ALOX5AP: variants seen among roughly 807,000 people sequenced by gnomAD.
ALOX5AP encodes the protein arachidonate 5-lipoxygenase-activating protein.
Under a neutral mutation model 18.5 loss-of-function variants are expected in ALOX5AP, and 9 were observed. The observed-to-expected ratio is 0.49, with a 90% CI of 0.29 to 0.85. The LOEUF (loss-of-function observed/expected upper bound fraction) is 0.85. ALOX5AP is among the 40% of genes least tolerant of loss of function. ALOX5AP has a pLI of 0.08. For synonymous variants in ALOX5AP, 81 were observed against 78.6 expected, an observed-to-expected ratio of 1.03 and a Z score of -0.16; for missense variants, 172 against 202.5, an observed-to-expected ratio of 0.85 and a Z score of 0.91.
At chr13:30,743,406 A>T (rs1951783347) in intron 1 of ALOX5AP, among the ~76,000 whole-genome samples, 1 of 152,000 alleles carries the variant, frequency 6.6e-6, no homozygotes, top group African/African-American at 2.4e-5. Context: ...ATGCAAGCTA[A>T]ATGTCTGGCA....
upstream of ALOX5AP, among the ~76,000 whole-genome samples, chr13:30,734,772 T>C (rs1331190749): frequency 1.3e-5 from 2 of 152,258 alleles, no homozygotes; most frequent in African/African-American, 4.8e-5. Context: ...TTGGTTTGAA[T>C]TCTTTGGTTT....
At chr13:30,735,746 C>A in intron 1 of ALOX5AP, 71 bp downstream of exon 1, 2 of 1,561,810 alleles carry the variant, frequency 1.3e-6, no homozygotes, top group Non-Finnish European at 1.8e-6. Context: ...GGAAGTCAGG[C>A]TTAAACAATT....
intron 1 of ALOX5AP, among the ~76,000 whole-genome samples, chr13:30,721,576 A>T (rs1951594285): frequency 6.6e-6 from 1 of 151,798 alleles, no homozygotes; most frequent in Non-Finnish European, 1.5e-5. Flanking sequence ...CTAATCCACC[A>T]TCTCTTCTCT....
rs536880630 is a variant in ALOX5AP at position 30,746,424 on chromosome 13, A to G, written c.170+2265A>G. On this transcript the variant is annotated intron_variant, in intron 2 of 4. Transcript: ENST00000380490. Reference sequence around the variant, plus strand: ...GGGTGGAGAGTTTTCTGTAAGACAAAAACTGTCTGGACACTGCTGCGGTTC... The same window carrying G: ...GGGTGGAGAGTTTTCTGTAAGACAAGAACTGTCTGGACACTGCTGCGGTTC... 2.6e-5 allele frequency among the ~76,000 whole-genome samples: 4 copies of G among 152,242 alleles called. No homozygotes were observed. The South Asian group carries it at 6.2e-4, about 24-fold the overall frequency.
At chr13:30,748,512 G>C (rs1221468888) in intron 2 of ALOX5AP, among the ~76,000 whole-genome samples, 1 of 152,176 alleles carries the variant, frequency 6.6e-6, no homozygotes, top group Non-Finnish European at 1.5e-5. Flanking sequence ...AAGATCTGCT[G>C]AGTAGCTCCT....
chr13:30,718,684 G>A (rs1179185528), intron 1 of ALOX5AP, among the ~76,000 whole-genome samples: 1 of 152,158 alleles, frequency 6.6e-6, no homozygotes. Flanking sequence ...AAAGCTCAGT[G>A]TCAAAACATG....
upstream of ALOX5AP, among the ~76,000 whole-genome samples, chr13:30,730,808 C>T (rs1951675203): frequency 6.6e-6 from 1 of 152,224 alleles, no homozygotes. Context: ...GCCTCGGCGT[C>T]CCTGAATTGT....
intron 2 of ALOX5AP, among the ~76,000 whole-genome samples, chr13:30,745,903 A>C (rs1015632308): frequency 2.0e-5 from 3 of 152,204 alleles, no homozygotes; most frequent in Non-Finnish European, 4.4e-5. Context: ...CTGCATTCTC[A>C]CTGGTCACAT....
intron 1 of ALOX5AP, among the ~76,000 whole-genome samples, chr13:30,722,220 T>C (rs571455989): frequency 6.6e-6 from 1 of 152,338 alleles, no homozygotes; most frequent in African/African-American, 2.4e-5. Flanking sequence ...GCGGTGCAGA[T>C]GGCAGACACT....
intron 1 of ALOX5AP, among the ~76,000 whole-genome samples, chr13:30,715,814 G>A (rs1593423247): frequency 1.6e-5 from 2 of 125,372 alleles, no homozygotes; most frequent in African/African-American, 7.8e-5. Flanking sequence ...TTTCAGGCAA[G>A]TGGCCTTTGA....
intron 1 of ALOX5AP, among the ~76,000 whole-genome samples, chr13:30,739,873 G>A (rs548969897): frequency 3.3e-5 from 5 of 152,326 alleles, no homozygotes; most frequent in Admixed American, 3.3e-4. Flanking sequence ...CTTGCTCCAT[G>A]CATATTGCCT....
intron 1 of ALOX5AP, chr13:30,742,557 C>T (rs1364123695): frequency 6.6e-6 from 1 of 152,144 alleles, no homozygotes; most frequent in Non-Finnish European, 1.5e-5. Flanking sequence ...CAAGTGCCCA[C>T]CACATTGCCT....
intron 1 of ALOX5AP, among the ~76,000 whole-genome samples, chr13:30,718,869 C>T (rs1951571095): frequency 6.6e-6 from 1 of 152,236 alleles, no homozygotes; most frequent in African/African-American, 2.4e-5. Flanking sequence ...CCCAAGTTCA[C>T]AGAGAATGTG....
intron 1 of ALOX5AP, among the ~76,000 whole-genome samples, chr13:30,739,901 G>A (rs1374650369): frequency 2.0e-5 from 3 of 152,172 alleles, no homozygotes; most frequent in Non-Finnish European, 4.4e-5. Flanking sequence ...ATTCATTCAA[G>A]CACTCCCTGC....
intron 4 of ALOX5AP, among the ~76,000 whole-genome samples, chr13:30,758,039 C>T (rs1951910635): frequency 6.6e-6 from 1 of 152,092 alleles, no homozygotes. Flanking sequence ...ACTGATGAAT[C>T]ATGGTGCTCT....
chr13:30,740,006 G>A (rs1264440012), intron 1 of ALOX5AP, among the ~76,000 whole-genome samples: 3 of 152,190 alleles, frequency 2.0e-5, no homozygotes, highest in Non-Finnish European at 4.4e-5. Context: ...CTTAGACTGT[G>A]CCTGCTCTTT....
chr13:30,760,269 G>A (rs781064751), intron 4 of ALOX5AP, among the ~76,000 whole-genome samples: 2 of 148,624 alleles, frequency 1.3e-5, no homozygotes, highest in Non-Finnish European at 3.0e-5. Flanking sequence ...GTGGAGGAGG[G>A]GGGGTGACTG....
chr13:30,728,758 G>A (rs1951657624), intron 1 of ALOX5AP, among the ~76,000 whole-genome samples: 1 of 152,186 alleles, frequency 6.6e-6, no homozygotes, highest in Non-Finnish European at 1.5e-5. Flanking sequence ...TGAGGTGGGA[G>A]ATTCACCTGA....
At chr13:30,752,182 A>G in intron 3 of ALOX5AP, 60 bp downstream of exon 3, 2 of 1,555,970 alleles carry the variant, frequency 1.3e-6, no homozygotes, top group South Asian at 1.1e-5. Context: ...AGGAGGTTCA[A>G]AGGGCAGGCT....
Sources: allele counts gnomAD v4.1 joint callset (sites outside exome capture counted in the v4.1 genomes callset), GRCh38; gene constraint gnomAD v4.1.1; transcripts MANE v1.5; gene names NCBI Gene and HGNC (gene_info 2026-07-23, HGNC 2026-07-21).